The following SLC24A3 variants were observed in gnomAD, a reference collection of about 807,000 sequenced individuals.
SLC24A3 encodes sodium/potassium/calcium exchanger 3.
In SLC24A3, 28 loss-of-function variants were observed where a neutral mutation model predicts 75.8. The ratio of observed to expected loss-of-function variants is 0.37; its 90% CI spans 0.27 to 0.51. The LOEUF is 0.51. SLC24A3 is among the 20% of genes least tolerant of loss of function. The pLI is 0.94. For synonymous variants in SLC24A3, 372 were observed against 334.1 expected (o/e 1.11, Z -1.24); for missense variants, 663 against 847.8 (o/e 0.78, Z 2.71).
At chr20:19,626,862 C>A (rs1165748093) in intron 6 of SLC24A3, among the ~76,000 whole-genome samples, 2 of 152,160 alleles carry the variant, frequency 1.3e-5, no homozygotes, top group African/African-American at 4.8e-5. Context: ...CATTCCTCAT[C>A]CCTTGCAAAA....
At chr20:19,518,133 A>G (rs1347464986) in intron 3 of SLC24A3, among the ~76,000 whole-genome samples, 2 of 152,238 alleles carry the variant, frequency 1.3e-5, no homozygotes, top group Non-Finnish European at 1.5e-5. Flanking sequence ...AAATTTTTAA[A>G]CAAACATCAT....
chr20:19,271,334 A>T (rs113205957), intron 1 of SLC24A3, among the ~76,000 whole-genome samples: 11 of 152,160 alleles, frequency 7.2e-5, no homozygotes, highest in Non-Finnish European at 1.5e-4. Context: ...AAATAAAAAA[A>T]AAAAAAGATG....
intron 15 of SLC24A3, among the ~76,000 whole-genome samples, chr20:19,705,212 A>G (rs1169447614): frequency 6.6e-6 from 1 of 152,186 alleles, no homozygotes; most frequent in African/African-American, 2.4e-5. Context: ...TCCTAAAAGT[A>G]CCAACAGGCA....
At chr20:19,481,744 G>A (rs1187188661) in intron 2 of SLC24A3, among the ~76,000 whole-genome samples, 2 of 152,088 alleles carry the variant, frequency 1.3e-5, no homozygotes, top group Admixed American at 1.3e-4. Context: ...CACCTACAGA[G>A]AGCCCGGGGA....
chr20:19,428,695 C>T (rs1313726849), intron 2 of SLC24A3, among the ~76,000 whole-genome samples: 1 of 152,192 alleles, frequency 6.6e-6, no homozygotes, highest in African/African-American at 2.4e-5. Context: ...GATTGTAGTT[C>T]CGAGTTCTTA....
chr20:19,720,591 G>A (rs917417391), intron 16 of SLC24A3, among the ~76,000 whole-genome samples: 4 of 152,054 alleles, frequency 2.6e-5, no homozygotes, highest in Non-Finnish European at 2.9e-5. Flanking sequence ...AGATGCAGCC[G>A]CCACCGCCTG....
intron 2 of SLC24A3, among the ~76,000 whole-genome samples, chr20:19,417,000 G>A (rs557920446): frequency 6.6e-6 from 1 of 152,262 alleles, no homozygotes; most frequent in South Asian, 2.1e-4. Flanking sequence ...TGGCACTTCA[G>A]TTTAATTTTT....
intron 2 of SLC24A3, among the ~76,000 whole-genome samples, chr20:19,315,426 T>C (rs1035190301): frequency 2.0e-5 from 3 of 152,110 alleles, no homozygotes; most frequent in East Asian, 1.9e-4. Context: ...CAGCACCAAA[T>C]AGGAATGGAA....
At chr20:19,551,869 T>C (rs149258595) in intron 3 of SLC24A3, among the ~76,000 whole-genome samples, 1 of 152,320 alleles carries the variant, frequency 6.6e-6, no homozygotes, top group East Asian at 1.9e-4. Context: ...AGCTGCCTGA[T>C]CTATCATTGG....
Position 19,681,246 on chromosome 20 carries a change from A to G in SLC24A3, c.768-612A>G, listed in dbSNP as rs552871052. On this transcript the variant is annotated intron_variant, in intron 9 of 16. Transcript: ENST00000328041. ...GAGGATAATAGCCTAGAATTTTTTC[A>G]TAAAGCTAAGGGCCCATTGGATCTG... Among the ~76,000 whole-genome samples the G allele has an allele frequency of 2.6e-5, 4 of 152,284 alleles. No individual in the cohort carries two copies. The South Asian group carries it at 6.2e-4, about 24-fold the overall frequency.
intron 2 of SLC24A3, among the ~76,000 whole-genome samples, chr20:19,440,182 T>G (rs371682849): frequency 9.8e-5 from 15 of 152,316 alleles, no homozygotes; most frequent in East Asian, 9.6e-4. Context: ...CTCAGAGATA[T>G]CCAATGTAAA....
chr20:19,571,509 T>C (rs1209228721), intron 3 of SLC24A3, among the ~76,000 whole-genome samples: 1 of 152,138 alleles, frequency 6.6e-6, no homozygotes, highest in Non-Finnish European at 1.5e-5. Context: ...AATAATCTTT[T>C]CCTGCTGAAA....
At chr20:19,548,148 G>A (rs749464655) in intron 3 of SLC24A3, among the ~76,000 whole-genome samples, 4 of 152,186 alleles carry the variant, frequency 2.6e-5, no homozygotes, top group East Asian at 3.9e-4. Flanking sequence ...CTGATGTTCC[G>A]CGCTTCTCGG....
chr20:19,636,055 GCA>G (rs1390047449), intron 6 of SLC24A3, among the ~76,000 whole-genome samples: 1 of 152,140 alleles, frequency 6.6e-6, no homozygotes, highest in African/African-American at 2.4e-5. Context: ...CAGGAGAATG[GCA>G]TGAACCCGGG....
chr20:19,705,424 C>T (rs2032918911), intron 15 of SLC24A3, among the ~76,000 whole-genome samples: 1 of 152,164 alleles, frequency 6.6e-6, no homozygotes, highest in Non-Finnish European at 1.5e-5. Flanking sequence ...CCATGGAGCT[C>T]ATGCCGAAAT....
intron 15 of SLC24A3, among the ~76,000 whole-genome samples, chr20:19,712,604 G>C (rs1356413111): frequency 1.3e-5 from 2 of 152,170 alleles, no homozygotes; most frequent in Non-Finnish European, 2.9e-5. Flanking sequence ...AGTGACATGA[G>C]GTCCTTAGCA....
chr20:19,414,602 A>C (rs1986797154), intron 2 of SLC24A3, among the ~76,000 whole-genome samples: 1 of 152,256 alleles, frequency 6.6e-6, no homozygotes, highest in South Asian at 2.1e-4. Flanking sequence ...GACTGGAAGA[A>C]AATACTCTAA....
intron 2 of SLC24A3, among the ~76,000 whole-genome samples, chr20:19,464,212 G>A (rs1026678872): frequency 2.0e-5 from 3 of 152,232 alleles, no homozygotes; most frequent in African/African-American, 7.2e-5. Flanking sequence ...AGCTGGACCA[G>A]TGTCTGGCTC....
At chr20:19,350,189 GAAATAAC>G (rs1985535402) in intron 2 of SLC24A3, among the ~76,000 whole-genome samples, 3 of 152,262 alleles carry the variant, frequency 2.0e-5, no homozygotes, top group Non-Finnish European at 2.9e-5. Context: ...TGAATAATGG[GAAATAAC>G]TTTTTTATGT....
Sources: allele counts gnomAD v4.1 joint callset (sites outside exome capture counted in the v4.1 genomes callset), GRCh38; gene constraint gnomAD v4.1.1; transcripts MANE v1.5; gene names NCBI Gene and HGNC (gene_info 2026-07-23, HGNC 2026-07-21).